Variants in MINDY4 observed in about 807,000 individuals in gnomAD.
MINDY4 encodes the protein probable ubiquitin carboxyl-terminal hydrolase MINDY-4.
A neutral mutation model predicts 87.0 loss-of-function variants in MINDY4; 68 were observed. The observed-to-expected ratio is 0.78, with a 90% confidence interval of 0.64 to 0.96. MINDY4 has a LOEUF of 0.96. Ranked by LOEUF, MINDY4 falls within the 40% of genes least tolerant of loss-of-function variation. The pLI, the probability that MINDY4 is intolerant of heterozygous loss-of-function variation, is 0.00. For synonymous variants in MINDY4, 379 were observed against 363.2 expected, an observed-to-expected ratio of 1.04 and a Z score of -0.50; for missense variants, 919 against 928.2, an observed-to-expected ratio of 0.99 and a Z score of 0.13.
chr7:30,774,460 C>T (rs543273530), intron 1 of MINDY4, among the ~76,000 whole-genome samples: 1 of 152,298 alleles, frequency 6.6e-6, no homozygotes, highest in East Asian at 1.9e-4. Context: ...TGTTGTGCTC[C>T]TGCAGAATCC....
chr7:30,875,327 C>T (rs1322246425), intron 14 of MINDY4, among the ~76,000 whole-genome samples, 168 bp from the exon 15 acceptor site: 2 of 152,202 alleles, frequency 1.3e-5, no homozygotes, highest in Admixed American at 1.3e-4. Context: ...GGTGCCTTTC[C>T]CACAGGACTT....
intron 17 of MINDY4, 112 bp from the exon 18 acceptor site, chr7:30,891,845 C>A: frequency 9.4e-7 from 1 of 1,061,910 alleles, no homozygotes; most frequent in East Asian, 2.4e-5. Context: ...GGAAACCGAA[C>A]TATTCAAAGC....
At chr7:30,806,236 A>G (rs977987852) in intron 5 of MINDY4, among the ~76,000 whole-genome samples, 3 of 152,200 alleles carry the variant, frequency 2.0e-5, no homozygotes, top group Non-Finnish European at 4.4e-5. Flanking sequence ...TCTTTCACAT[A>G]TTTAGTAACT....
chr7:30,827,128 G>T (rs368182062), intron 5 of MINDY4, among the ~76,000 whole-genome samples: 1 of 152,106 alleles, frequency 6.6e-6, no homozygotes, highest in Admixed American at 6.5e-5. Context: ...GCAGAGGTGG[G>T]GGTTCAAGAG....
intron 9 of MINDY4, among the ~76,000 whole-genome samples, chr7:30,846,423 C>T (rs555673984): frequency 6.6e-6 from 1 of 152,332 alleles, no homozygotes; most frequent in South Asian, 2.1e-4. Flanking sequence ...AGATAAATGT[C>T]TTTTTCCTGC....
chr7:30,806,164 A>T (rs1787799760), intron 5 of MINDY4, among the ~76,000 whole-genome samples: 1 of 152,200 alleles, frequency 6.6e-6, no homozygotes, highest in Non-Finnish European at 1.5e-5. Flanking sequence ...AGTTATTGAG[A>T]TCTGCTATTT....
In MINDY4 at chr7:30,787,943, TA is replaced by T. The variant is rs573456157; in HGVS notation, c.663+1952del. Among the ~76,000 whole-genome samples the T allele has an allele frequency of 3.9e-5, 6 of 152,338 alleles. No homozygotes were observed. The East Asian group carries it at 7.7e-4, about 20-fold the overall frequency. The stretch of plus-strand genomic sequence containing the variant: ...AAGTGAGAAGTTAAAAATATTTACT[TA>T]CAAAAATCATTAAAAATAACAGTAG... On this transcript the variant is annotated intron_variant, in intron 4 of 17. Coordinates refer to ENST00000265299, the MANE Select transcript of MINDY4 (RefSeq NM_032222.3).
intron 6 of MINDY4, among the ~76,000 whole-genome samples, chr7:30,835,229 G>A (rs1788822026): frequency 1.3e-5 from 2 of 152,186 alleles, no homozygotes; most frequent in South Asian, 4.1e-4. Context: ...CACAATCATG[G>A]CAGAAGGCAA....
At chr7:30,881,010 C>G (rs1359602870) in intron 15 of MINDY4, among the ~76,000 whole-genome samples, 3 of 152,154 alleles carry the variant, frequency 2.0e-5, no homozygotes, top group Non-Finnish European at 4.4e-5. Flanking sequence ...AAAAGTATGC[C>G]CTTCTCCCCA....
At chr7:30,879,087 GA>G (rs1790377632) in intron 15 of MINDY4, among the ~76,000 whole-genome samples, 1 of 152,184 alleles carries the variant, frequency 6.6e-6, no homozygotes, top group Non-Finnish European at 1.5e-5. Context: ...CCAGTCCTCT[GA>G]GACTGTTGTG....
intron 6 of MINDY4, among the ~76,000 whole-genome samples, chr7:30,830,897 T>A (rs1788682140): frequency 6.6e-6 from 1 of 152,102 alleles, no homozygotes; most frequent in East Asian, 1.9e-4. Context: ...AATGGCCCTG[T>A]TGGGGAGGAT....
At chr7:30,873,914 A>G (rs918699372) in intron 14 of MINDY4, among the ~76,000 whole-genome samples, 4 of 152,226 alleles carry the variant, frequency 2.6e-5, no homozygotes, top group East Asian at 1.9e-4. Context: ...CAAGGACACA[A>G]TAAGTCCCCT....
In MINDY4 at chr7:30,835,729, A is replaced by T. The variant is rs373371532; in HGVS notation, c.1133-929A>T. 3.3e-4 allele frequency among the ~76,000 whole-genome samples: 50 copies of T among 152,338 alleles called. No individual in the cohort carries two copies. The South Asian group carries it at 9.7e-3, about 30-fold the overall frequency. On this transcript the variant is annotated intron_variant, in intron 6 of 17. Transcript: ENST00000265299. ...CAGGCCCCTCTAGGGAGCTGGATTC[A>T]CAGAGCCAAGCCCTCAGCTACCCTC...
At chr7:30,775,117 T>C (rs1258625887) in intron 1 of MINDY4, among the ~76,000 whole-genome samples, 1 of 152,080 alleles carries the variant, frequency 6.6e-6, no homozygotes, top group East Asian at 1.9e-4. Context: ...TCTCCAACTC[T>C]CCAGACACCA....
At chr7:30,849,118 C>T (rs573279042) in intron 9 of MINDY4, among the ~76,000 whole-genome samples, 1 of 152,104 alleles carries the variant, frequency 6.6e-6, no homozygotes, top group African/African-American at 2.4e-5. Context: ...GCTATGTGTC[C>T]CAGGCACTGG....
chr7:30,802,152 C>T (rs922202633), intron 5 of MINDY4, among the ~76,000 whole-genome samples: 1 of 151,278 alleles, frequency 6.6e-6, no homozygotes, highest in East Asian at 1.9e-4. Flanking sequence ...TTTTGTGCTG[C>T]TCTGTTAGCT....
intron 14 of MINDY4, among the ~76,000 whole-genome samples, chr7:30,872,646 C>T (rs1040348182): frequency 2.0e-4 from 30 of 152,226 alleles, no homozygotes; most frequent in African/African-American, 6.5e-4. Flanking sequence ...AGGCATGGGC[C>T]AGGGGACCCT....
At chr7:30,874,221 C>T (rs1274157332) in intron 14 of MINDY4, among the ~76,000 whole-genome samples, 1 of 152,214 alleles carries the variant, frequency 6.6e-6, no homozygotes, top group Admixed American at 6.5e-5. Flanking sequence ...TGCCCTAGTG[C>T]TGGGGCTGGG....
intron 17 of MINDY4, among the ~76,000 whole-genome samples, chr7:30,885,935 G>T (rs6942480): frequency 1.3e-5 from 2 of 152,074 alleles, no homozygotes; most frequent in Non-Finnish European, 2.9e-5. Context: ...CTTGGCAGTT[G>T]TTCCTAGAAA....
Sources: gnomAD v4.1 joint callset for allele counts (sites outside exome capture counted in the v4.1 genomes callset) on GRCh38, gnomAD v4.1.1 for gene constraint, MANE v1.5 for transcripts, NCBI Gene and HGNC (gene_info 2026-07-23, HGNC 2026-07-21) for gene names.